Variants in SAP130 observed in about 807,000 individuals in gnomAD.
SAP130 encodes histone deacetylase complex subunit SAP130.
SAP130 carries 16 observed loss-of-function variants against 103.2 expected under a neutral mutation model. The ratio of observed to expected loss-of-function variants is 0.16; its 90% CI spans 0.10 to 0.24. The LOEUF is 0.24. SAP130 is among the 10% of genes least tolerant of loss of function. The pLI is 1.00. For synonymous variants in SAP130, 477 were observed against 497.0 expected (o/e 0.96, Z 0.53); for missense variants, 990 against 1,359.7 (o/e 0.73, Z 4.28).
chr2:128,008,503 TA>T (rs1684133915), intron 7 of SAP130, among the ~76,000 whole-genome samples: 1 of 128,024 alleles, frequency 7.8e-6, no homozygotes, highest in Admixed American at 7.6e-5. Flanking sequence ...TACCTAGGGC[TA>T]TAGGTACATG....
intron 15 of SAP130, among the ~76,000 whole-genome samples, chr2:127,966,340 G>A (rs548878453): frequency 2.6e-5 from 4 of 152,120 alleles, no homozygotes; most frequent in East Asian, 1.9e-4. Flanking sequence ...GCGAGACTCC[G>A]TCTCAAAAAA....
intron 12 of SAP130, among the ~76,000 whole-genome samples, chr2:127,991,391 C>T (rs887153884): frequency 7.2e-5 from 11 of 152,032 alleles, no homozygotes; most frequent in Non-Finnish European, 1.0e-4. Context: ...GACTTGAGTG[C>T]GGTGGTGCAA....
intron 12 of SAP130, among the ~76,000 whole-genome samples, chr2:127,990,776 A>G (rs1310819776): frequency 1.3e-5 from 2 of 152,048 alleles, no homozygotes; most frequent in Non-Finnish European, 2.9e-5. Context: ...CCCTATCTCT[A>G]TAAAAAATTA....
intron 13 of SAP130, among the ~76,000 whole-genome samples, chr2:127,987,838 G>A (rs1682509122): frequency 6.6e-6 from 1 of 152,044 alleles, no homozygotes; most frequent in Non-Finnish European, 1.5e-5. Context: ...TCAACTAACA[G>A]ATATTTTAAC....
intron 4 of SAP130, among the ~76,000 whole-genome samples, chr2:128,015,458 G>A (rs1381570086): frequency 1.3e-5 from 2 of 151,996 alleles, no homozygotes; most frequent in Non-Finnish European, 2.9e-5. Flanking sequence ...TCAGCAGTAT[G>A]ACAAAAGGAA....
intron 7 of SAP130, among the ~76,000 whole-genome samples, chr2:128,000,885 G>A (rs189174603): frequency 7.2e-5 from 11 of 152,266 alleles, no homozygotes; most frequent in African/African-American, 1.9e-4. Flanking sequence ...GGGGGACAGA[G>A]TAAGACCTTG....
At chr2:128,009,605 C>T (rs889120103) in intron 7 of SAP130, among the ~76,000 whole-genome samples, 23 of 152,224 alleles carry the variant, frequency 1.5e-4, no homozygotes, top group African/African-American at 5.3e-4. Context: ...TTCTATCCAG[C>T]AACCAGGCTG....
chr2:128,019,781 G>A (rs1188177031), intron 2 of SAP130, among the ~76,000 whole-genome samples: 1 of 152,000 alleles, frequency 6.6e-6, no homozygotes, highest in Non-Finnish European at 1.5e-5. Flanking sequence ...CAGATACTCA[G>A]GAGGCTGAGG....
intron 15 of SAP130, among the ~76,000 whole-genome samples, chr2:127,965,861 A>T (rs1468717215): frequency 6.6e-6 from 1 of 151,722 alleles, no homozygotes; most frequent in Non-Finnish European, 1.5e-5. Flanking sequence ...TCCCCTTATT[A>T]TTATTTCGAT....
chr2:127,955,366 C>A lies in SAP130; in HGVS notation c.2064-22G>T. ...GGCACTAAAACACAAAAGAAAAGCACATGTAGCAAATAAGAAAAAAACTGC... is the reference window on the plus strand; with the variant it reads ...GGCACTAAAACACAAAAGAAAAGCAAATGTAGCAAATAAGAAAAAAACTGC... On this transcript the variant is annotated intron_variant, in intron 15 of 20. Transcript: ENST00000643581. The surrounding 1 kb of genome is among the most constrained non-coding windows in gnomAD (Gnocchi z 4.9). 6.6e-7 allele frequency: 1 copy of A among 1,505,888 alleles called. No individual in the cohort carries two copies. 93.3% of individuals were successfully genotyped at this position (1,505,888 alleles called of 1,614,324 possible). A position where few individuals can be genotyped will look rare whatever the true frequency, so the allele number is the denominator to read the frequency against.
intron 7 of SAP130, among the ~76,000 whole-genome samples, chr2:128,009,847 C>G (rs183838119): frequency 1.3e-5 from 2 of 152,278 alleles, no homozygotes; most frequent in South Asian, 2.1e-4. Flanking sequence ...TTCCCACTGC[C>G]TAGAATACTC....
intron 6 of SAP130, 58 bp from the exon 7 acceptor site, chr2:128,010,451 T>C: frequency 5.3e-6 from 8 of 1,515,540 alleles, no homozygotes; most frequent in Non-Finnish European, 3.6e-6. Context: ...GGAAGTCAAA[T>C]ACTAAATGTG....
At chr2:127,992,555 G>A (rs1238632177) in intron 12 of SAP130, among the ~76,000 whole-genome samples, 1 of 152,204 alleles carries the variant, frequency 6.6e-6, no homozygotes, top group East Asian at 1.9e-4. Context: ...AAAGTGCTGG[G>A]ATTACAGGCA....
At chr2:127,945,088 G>A (rs1678983517) in intron 19 of SAP130, among the ~76,000 whole-genome samples, 1 of 152,038 alleles carries the variant, frequency 6.6e-6, no homozygotes, top group Non-Finnish European at 1.5e-5. Flanking sequence ...GTGGTATGAA[G>A]GGTTGTTTGC....
rs184693536 is a variant in SAP130 at position 128,001,464 on chromosome 2, G to C, written c.870-1010C>G. On this transcript the variant is annotated intron_variant, in intron 7 of 20. Transcript: ENST00000643581. Reference sequence around the variant, plus strand: ...CTAGCTGGAGGACAAAAAGAACTGTGAAGTTAGTTACTCGGTATTCTTATT... The same window carrying C: ...CTAGCTGGAGGACAAAAAGAACTGTCAAGTTAGTTACTCGGTATTCTTATT... 3.3e-3 allele frequency among the ~76,000 whole-genome samples: 505 copies of C among 152,324 alleles called. 3 individuals carry two copies. Among genetic ancestry groups the C allele is most frequent in the African/African-American group, 0.012 (488 of 41,578 alleles).
chr2:127,947,238 A>G (rs151169070), intron 18 of SAP130, among the ~76,000 whole-genome samples: 10 of 152,258 alleles, frequency 6.6e-5, no homozygotes, highest in African/African-American at 2.2e-4. Flanking sequence ...CTGGACTTCT[A>G]GCCCCCAGAA....
In SAP130 at chr2:127,989,704, G is replaced by A. The variant is rs1265528398; in HGVS notation, c.1640C>T (p.Pro547Leu). 6 of 1,614,008 alleles carry A rather than the reference G, an allele frequency of 3.7e-6. No individual in the cohort carries two copies. The highest frequency in any genetic ancestry group is 2.2e-5 in the East Asian group (1 of 44,896). The stretch of plus-strand genomic sequence containing the variant: ...TATCCCTGGGGTCCCAATGGGGGCC[G>A]GCTGGATACCCTGGGTACTGATGGG... The part of the protein sequence containing the change: ...PAPISTQGIQ[P>L]APIGTPGIQP... Residue 547 changes from proline (P) to leucine (L), a missense_variant, in exon 13 of 21, where the codon CCG becomes CTG. Around this residue, in one of 6 missense-constraint regions of SAP130, gnomAD observed 349 missense variants for 384.1 expected, o/e 0.91. Coordinates refer to ENST00000643581, the MANE Select transcript of SAP130 (RefSeq NM_001330301.2). This position sits in a 1 kb window ranked among gnomAD's most constrained non-coding sequence, Gnocchi z 4.6.
In SAP130 at chr2:127,986,827, G is replaced by C. The variant is rs753205036; in HGVS notation, c.1916C>G (p.Ser639Trp). 1 of 1,614,100 alleles carries C rather than the reference G, an allele frequency of 6.2e-7. No homozygotes were observed. Among genetic ancestry groups the C allele is most frequent in the African/African-American group, 1.3e-5 (1 of 74,940 alleles). Residue 639 changes from serine to tryptophan, a missense_variant, in exon 14 of 21, where the codon TCG (serine) becomes TGG (tryptophan). Ser to Trp is a radical substitution (Grantham distance 177, BLOSUM62 -3). This residue lies in a region of SAP130 where 349 missense variants were observed against 384.1 expected (regional missense o/e 0.91). Coordinates refer to ENST00000643581, the MANE Select transcript of SAP130 (RefSeq NM_001330301.2). This position sits in a 1 kb window ranked among gnomAD's most constrained non-coding sequence, Gnocchi z 4.7. ...CTTCCGGAGTATGCTTGGCCGTGGC[G>C]ATGAGCCCTGGGCGGGAGCGTTGGT... ...ASTNAPAQGS[S>W]PRPSILRKKP...
chr2:127,954,155 T>C (rs914512291), intron 16 of SAP130, among the ~76,000 whole-genome samples: 4 of 152,124 alleles, frequency 2.6e-5, no homozygotes, highest in African/African-American at 9.7e-5. Flanking sequence ...TGGTATCTTT[T>C]GAAGAAAGTG....
Sources: gnomAD v4.1 joint callset for allele counts (sites outside exome capture counted in the v4.1 genomes callset) on GRCh38, gnomAD v4.1.1 for gene constraint, gnomAD v4.1.1 regional missense constraint, Gnocchi (gnomAD v3.1) non-coding constraint, MANE v1.5 for transcripts, NCBI Gene and HGNC (gene_info 2026-07-23, HGNC 2026-07-21) for gene names.